BMP7: variants seen among roughly 807,000 people sequenced by gnomAD.
The protein encoded by BMP7 is bone morphogenetic protein 7.
A neutral mutation model predicts 41.2 loss-of-function variants in BMP7; 12 were observed. The ratio of observed to expected loss-of-function variants is 0.29; its 90% CI spans 0.19 to 0.47. The LOEUF (loss-of-function observed/expected upper bound fraction) is 0.47. Among genes scored for constraint, BMP7 ranks in the 20% least tolerant of loss-of-function variants. The probability of loss-of-function intolerance (pLI) is 0.99; values close to 1 mark genes in which losing one functional copy is unlikely to be tolerated. For missense variants in BMP7, 467 were observed against 606.0 expected (o/e 0.77, Z 2.41); for synonymous variants, 248 against 250.0 (o/e 0.99, Z 0.07).
Position 57,218,502 on chromosome 20 carries a change from T to TCGG in BMP7, c.611+9726_611+9727insCCG, listed in dbSNP as rs1482972607. On this transcript the variant is annotated intron_variant, in intron 2 of 6. Coordinates refer to ENST00000395863, the MANE Select transcript of BMP7 (RefSeq NM_001719.3). Reference sequence around the variant, plus strand: ...GTGTTCGGTGGTAGCTGGTGTGTGTTTGCTGGTAGCTGGTGTTCGGAGGTA... The same window carrying TCGG: ...GTGTTCGGTGGTAGCTGGTGTGTGTTCGGTGCTGGTAGCTGGTGTTCGGAGGTA... Among the ~76,000 whole-genome samples the TCGG allele has an allele frequency of 3.3e-3, 498 of 151,450 alleles. 1 individual carries two copies. The highest frequency in any genetic ancestry group is 0.03 in the South Asian group (142 of 4,752).
chr20:57,262,642 C>T (rs1385396198), intron 1 of BMP7, among the ~76,000 whole-genome samples: 6 of 152,108 alleles, frequency 3.9e-5, no homozygotes, highest in African/African-American at 1.2e-4. Flanking sequence ...CTCCCGCGCA[C>T]GCAGGCCGCC....
rs534357733 is a variant in BMP7, at chr20:57,230,732, A to G, written c.419-2311T>C. 4.0e-5 allele frequency among the ~76,000 whole-genome samples: 6 copies of G among 149,644 alleles called. No homozygotes were observed. In the South Asian group the frequency reaches 1.3e-3, roughly 32 times the overall value. ...CGCTCTGTCACCCAGGCTGGAGTGCAGTGGCGCGATCTCGGCTTACTACAA... is the reference window on the plus strand; with the variant it reads ...CGCTCTGTCACCCAGGCTGGAGTGCGGTGGCGCGATCTCGGCTTACTACAA... On this transcript the variant is annotated intron_variant, in intron 1 of 6. Transcript: ENST00000395863.
intron 2 of BMP7, among the ~76,000 whole-genome samples, chr20:57,209,267 A>T (rs1170427523): frequency 4.6e-5 from 6 of 130,226 alleles, no homozygotes; most frequent in South Asian, 2.4e-4. Flanking sequence ...ATATATATAT[A>T]TATATATATA....
In BMP7 at chr20:57,209,245, ATT is replaced by A. The variant is rs201592076; in HGVS notation, c.612-6624_612-6623del. Among the ~76,000 whole-genome samples, 174 of 93,440 alleles carry A rather than the reference ATT, an allele frequency of 1.9e-3. 3 individuals are homozygous for A. The highest frequency in any genetic ancestry group is 3.2e-3 in the African/African-American group (70 of 21,696). 61.3% of individuals were successfully genotyped at this position (93,440 alleles called of 152,430 possible). A position where few individuals can be genotyped will look rare whatever the true frequency, so the allele number is the denominator to read the frequency against. Reference sequence around the variant, plus strand: ...AATAAACAAATACCTAGATTTATATATTTTTATATATATATATATATATATAT... The same window carrying A: ...AATAAACAAATACCTAGATTTATATATTTATATATATATATATATATATAT... On this transcript the variant is annotated intron_variant, in intron 2 of 6. Transcript: ENST00000395863.
At chr20:57,177,018 T>A (rs1010968381) in intron 4 of BMP7, among the ~76,000 whole-genome samples, 19 of 151,812 alleles carry the variant, frequency 1.3e-4, no homozygotes, top group African/African-American at 4.6e-4. Flanking sequence ...GGGACAGGAG[T>A]GGTGCAGTAA....
At chr20:57,173,502 G>A (rs1161692647) in intron 5 of BMP7, 192 bp from the exon 6 acceptor site, 4 of 660,970 alleles carry the variant, frequency 6.1e-6, no homozygotes, top group Non-Finnish European at 8.1e-6. Flanking sequence ...CCAAAAGAAT[G>A]GAAAGAAGGA....
chr20:57,216,918 G>A (rs1487438821), intron 2 of BMP7, among the ~76,000 whole-genome samples: 1 of 152,128 alleles, frequency 6.6e-6, no homozygotes, highest in Non-Finnish European at 1.5e-5. Context: ...AACCTGTGGT[G>A]GCATCTGCAG....
intron 1 of BMP7, among the ~76,000 whole-genome samples, chr20:57,240,444 A>T (rs2066064407): frequency 6.6e-6 from 1 of 152,198 alleles, no homozygotes; most frequent in Non-Finnish European, 1.5e-5. Context: ...GGCAATTCCA[A>T]ACTTTTCCAC....
intron 3 of BMP7, among the ~76,000 whole-genome samples, chr20:57,193,085 T>C (rs899755620): frequency 6.6e-6 from 1 of 152,188 alleles, no homozygotes; most frequent in African/African-American, 2.4e-5. Context: ...CTCTCTGTGG[T>C]GTGTTTTGTT....
chr20:57,218,503 T>C (rs230208), intron 2 of BMP7, among the ~76,000 whole-genome samples: 96,656 of 148,458 alleles, frequency 0.65, 32,308 homozygotes, highest in African/African-American at 0.82. Context: ...GGTGTGTGTT[T>C]GCTGGTAGCT....
intron 1 of BMP7, among the ~76,000 whole-genome samples, chr20:57,229,083 T>C (rs1221375400): frequency 1.3e-5 from 2 of 152,202 alleles, no homozygotes; most frequent in African/African-American, 4.8e-5. Context: ...AACAATTGGC[T>C]CTCAGGGACC....
chr20:57,196,413 A>G (rs892755434), intron 3 of BMP7, among the ~76,000 whole-genome samples: 5 of 152,226 alleles, frequency 3.3e-5, no homozygotes, highest in Non-Finnish European at 7.3e-5. Flanking sequence ...TGTGAGCAAC[A>G]CAACAGCCAA....
At chr20:57,237,523 A>G (rs528967628) in intron 1 of BMP7, among the ~76,000 whole-genome samples, 1 of 152,358 alleles carries the variant, frequency 6.6e-6, no homozygotes, top group East Asian at 1.9e-4. Flanking sequence ...TCATTCATTC[A>G]AAGATTTACA....
intron 1 of BMP7, among the ~76,000 whole-genome samples, chr20:57,241,764 G>A (rs1196913574): frequency 6.6e-6 from 1 of 152,206 alleles, no homozygotes; most frequent in African/African-American, 2.4e-5. Context: ...GTAGGGGCCA[G>A]AGGGAATGAT....
At chr20:57,254,311 CCGCG>C (rs1161700561) in intron 1 of BMP7, among the ~76,000 whole-genome samples, 1 of 152,130 alleles carries the variant, frequency 6.6e-6, no homozygotes, top group Admixed American at 6.5e-5. Flanking sequence ...GCGTGAGCCA[CCGCG>C]CCCAGCCTCT....
chr20:57,186,204 G>A (rs970249988), intron 3 of BMP7, among the ~76,000 whole-genome samples: 1 of 152,224 alleles, frequency 6.6e-6, no homozygotes, highest in Non-Finnish European at 1.5e-5. Flanking sequence ...TGGCCTCTGT[G>A]TTCCACTGAG....
chr20:57,195,939 T>G (rs1984481258), intron 3 of BMP7, among the ~76,000 whole-genome samples: 1 of 152,024 alleles, frequency 6.6e-6, no homozygotes, highest in Admixed American at 6.5e-5. Flanking sequence ...ACCTTGGAGC[T>G]CAGGGTATGG....
intron 2 of BMP7, among the ~76,000 whole-genome samples, chr20:57,217,603 G>T (rs1442608331): frequency 6.6e-6 from 1 of 152,122 alleles, no homozygotes; most frequent in Non-Finnish European, 1.5e-5. Flanking sequence ...GAGCGATAGT[G>T]GGAGAGGACT....
At chr20:57,248,942 G>A (rs556003519) in intron 1 of BMP7, among the ~76,000 whole-genome samples, 1 of 152,076 alleles carries the variant, frequency 6.6e-6, no homozygotes, top group South Asian at 2.1e-4. Context: ...GGGACTACAG[G>A]TGCCCACCAC....
Sources: gnomAD v4.1 joint callset for allele counts (sites outside exome capture counted in the v4.1 genomes callset) on GRCh38, gnomAD v4.1.1 for gene constraint, MANE v1.5 for transcripts, NCBI Gene and HGNC (gene_info 2026-07-23, HGNC 2026-07-21) for gene names.